The following TBC1D1 variants were observed in gnomAD, a reference collection of about 807,000 sequenced individuals.
TBC1D1 encodes TBC1 domain family member 1, also known as TBC1 (tre-2/USP6, BUB2, cdc16) domain family, member 1.
Under a neutral mutation model 125.6 loss-of-function variants are expected in TBC1D1, and 89 were observed. The observed-to-expected ratio is 0.71, with a 90% confidence interval of 0.60 to 0.85. The LOEUF (loss-of-function observed/expected upper bound fraction) is 0.85. TBC1D1 is among the 40% of genes least tolerant of loss of function. The pLI is 0.00. For synonymous variants in TBC1D1, 565 were observed against 564.1 expected, an observed-to-expected ratio of 1.00 and a Z score of -0.02; for missense variants, 1,377 against 1,469.2, an observed-to-expected ratio of 0.94 and a Z score of 1.03.
chr4:38,026,750 C>T (rs1157894587), intron 6 of TBC1D1, among the ~76,000 whole-genome samples: 1 of 152,138 alleles, frequency 6.6e-6, no homozygotes, highest in East Asian at 1.9e-4. Context: ...GGCTCTAAGC[C>T]GTATTTGTGT....
At chr4:38,026,675 CT>C (rs1482631073) in intron 6 of TBC1D1, among the ~76,000 whole-genome samples, 3 of 152,152 alleles carry the variant, frequency 2.0e-5, no homozygotes, top group African/African-American at 7.2e-5. Context: ...TCAGCATATC[CT>C]TTCATTATCA....
At chr4:38,088,260 C>G (rs1289808461) in intron 12 of TBC1D1, among the ~76,000 whole-genome samples, 1 of 152,066 alleles carries the variant, frequency 6.6e-6, no homozygotes, top group Non-Finnish European at 1.5e-5. Flanking sequence ...AATGACTAAT[C>G]CTAAGTATAC....
At chr4:38,105,213 G>A (rs1040200488) in intron 15 of TBC1D1, among the ~76,000 whole-genome samples, 2 of 152,046 alleles carry the variant, frequency 1.3e-5, no homozygotes, top group East Asian at 1.9e-4. Context: ...CATCATCACC[G>A]TTATCTGCTT....
chr4:37,895,511 C>G (rs1714369624), intron 1 of TBC1D1, among the ~76,000 whole-genome samples: 1 of 152,162 alleles, frequency 6.6e-6, no homozygotes, highest in South Asian at 2.1e-4. Context: ...GGAGACCAGC[C>G]TGGCAAACAT....
At chr4:38,073,769 A>G (rs2152514484) in intron 12 of TBC1D1, among the ~76,000 whole-genome samples, 1 of 152,286 alleles carries the variant, frequency 6.6e-6, no homozygotes, top group South Asian at 2.1e-4. Flanking sequence ...CACTCACTCC[A>G]CAGGAGCTTG....
At chr4:38,072,378 G>C (rs185039100) in intron 12 of TBC1D1, among the ~76,000 whole-genome samples, 1 of 152,178 alleles carries the variant, frequency 6.6e-6, no homozygotes, top group Non-Finnish European at 1.5e-5. Flanking sequence ...TGTGGACCCC[G>C]TGAGCTTTTC....
chr4:38,117,974 A>G, intron 16 of TBC1D1, 59 bp from the exon 19 acceptor site: 1 of 1,524,902 alleles, frequency 6.6e-7, no homozygotes, highest in South Asian at 1.1e-5. Flanking sequence ...AGCAGTAGGC[A>G]TAACTTTATT....
At chr4:38,098,355 C>T (rs190359514) in intron 14 of TBC1D1, among the ~76,000 whole-genome samples, 219 of 152,352 alleles carry the variant, frequency 1.4e-3, no homozygotes, top group Non-Finnish European at 2.5e-3. Context: ...GTCTTTGCTT[C>T]TGCGAAAGGC....
At chr4:38,048,921 T>C (rs1156285419) in intron 10 of TBC1D1, among the ~76,000 whole-genome samples, 1 of 152,176 alleles carries the variant, frequency 6.6e-6, no homozygotes, top group African/African-American at 2.4e-5. Flanking sequence ...ATAGATTTAT[T>C]GCATACCTAA....
At chr4:38,120,294 G>A (rs1159018948) in intron 17 of TBC1D1, among the ~76,000 whole-genome samples, 1 of 152,208 alleles carries the variant, frequency 6.6e-6, no homozygotes, top group African/African-American at 2.4e-5. Context: ...TCTCAAGGCC[G>A]CACTGGCTTG....
intron 2 of TBC1D1, among the ~76,000 whole-genome samples, chr4:38,003,962 A>G (rs1739577120): frequency 6.6e-6 from 1 of 152,002 alleles, no homozygotes; most frequent in Admixed American, 6.5e-5. Flanking sequence ...GCTAGGCTCT[A>G]TGCTAAACTT....
chr4:38,114,092 C>A (rs945926146), intron 15 of TBC1D1, among the ~76,000 whole-genome samples: 1 of 152,100 alleles, frequency 6.6e-6, no homozygotes, highest in Non-Finnish European at 1.5e-5. Flanking sequence ...GGGTCAGAGA[C>A]CCCAGGAGCC....
intron 19 of TBC1D1, among the ~76,000 whole-genome samples, chr4:38,135,487 G>A (rs1766342607): frequency 6.6e-6 from 1 of 152,246 alleles, no homozygotes; most frequent in Admixed American, 6.5e-5. Context: ...AAGCATCGGT[G>A]TTATTGAGGA....
intron 15 of TBC1D1, among the ~76,000 whole-genome samples, chr4:38,112,535 A>T (rs1762364430): frequency 2.0e-5 from 3 of 152,190 alleles, no homozygotes; most frequent in African/African-American, 7.2e-5. Flanking sequence ...CACTCTGCAA[A>T]CTATGTGTTC....
chr4:38,102,355 G>A (rs1760506250), intron 14 of TBC1D1, among the ~76,000 whole-genome samples: 1 of 151,982 alleles, frequency 6.6e-6, no homozygotes, highest in Admixed American at 6.6e-5. Flanking sequence ...TTTCATACTT[G>A]GCTTTATTTC....
chr4:37,921,556 G>T (rs911109362), intron 2 of TBC1D1, among the ~76,000 whole-genome samples: 1 of 151,218 alleles, frequency 6.6e-6, no homozygotes, highest in Non-Finnish European at 1.5e-5. Flanking sequence ...GCAGACACGC[G>T]CCACCATGCC....
chr4:37,953,000 T>C (rs1440692808), intron 2 of TBC1D1, among the ~76,000 whole-genome samples: 2 of 152,228 alleles, frequency 1.3e-5, no homozygotes, highest in Non-Finnish European at 2.9e-5. Context: ...GATGTGCTGA[T>C]TGATGACGTG....
chr4:37,988,213 C>T (rs59193655), intron 2 of TBC1D1, among the ~76,000 whole-genome samples: 21,547 of 152,262 alleles, frequency 0.14, 2,142 homozygotes, highest in East Asian at 0.54. Flanking sequence ...GCAAGTTACA[C>T]TTGCCTGGGC....
At chr4:38,134,012 CTACTTTTTTT>C (rs372827278) in intron 19 of TBC1D1, among the ~76,000 whole-genome samples, 55 of 152,314 alleles carry the variant, frequency 3.6e-4, no homozygotes, top group Middle Eastern at 3.4e-3. Flanking sequence ...CTACTTTTTT[CTACTTTTTTT>C]AATGTCACAA....
Sources: gnomAD v4.1 joint callset for allele counts (sites outside exome capture counted in the v4.1 genomes callset) on GRCh38, gnomAD v4.1.1 for gene constraint, MANE v1.5 for transcripts, NCBI Gene and HGNC (gene_info 2026-07-23, HGNC 2026-07-21) for gene names.